The following MGAT4C variants were observed in gnomAD, a reference collection of about 807,000 sequenced individuals.
MGAT4C encodes the protein MGAT4 family member C.
Under a neutral mutation model 40.1 loss-of-function variants are expected in MGAT4C, and 19 were observed. The observed-to-expected ratio is 0.47, with a 90% confidence interval of 0.33 to 0.70. The LOEUF is 0.70. MGAT4C is among the 30% of genes least tolerant of loss of function. MGAT4C has a pLI of 0.02. For missense variants in MGAT4C, 491 were observed against 563.2 expected (o/e 0.87, Z 1.30); for synonymous variants, 181 against 187.1 (o/e 0.97, Z 0.27).
chr12:86,012,822 C>A (rs905255852), intron 2 of MGAT4C, among the ~76,000 whole-genome samples: 1 of 149,382 alleles, frequency 6.7e-6, no homozygotes, highest in African/African-American at 2.4e-5. Flanking sequence ...ACCACCACCA[C>A]CACCACCACC....
chr12:86,214,199 G>C (rs941491285), intron 1 of MGAT4C, among the ~76,000 whole-genome samples: 1 of 152,070 alleles, frequency 6.6e-6, no homozygotes, highest in Non-Finnish European at 1.5e-5. Context: ...CCTCATTTCT[G>C]TGTCTTTGTA....
At chr12:86,587,011 T>A (rs1270407475) in intron 2 of MGAT4C, among the ~76,000 whole-genome samples, 1 of 152,038 alleles carries the variant, frequency 6.6e-6, no homozygotes, top group Non-Finnish European at 1.5e-5. Context: ...GGTGTTTTAG[T>A]CATGAAGTCC....
At chr12:86,634,771 G>A (rs1963166202) in intron 2 of MGAT4C, among the ~76,000 whole-genome samples, 2 of 152,098 alleles carry the variant, frequency 1.3e-5, no homozygotes, top group East Asian at 1.9e-4. Context: ...TCTTATTCCT[G>A]TCTGCAAAAT....
At chr12:86,357,733 T>C (rs767541479) in intron 3 of MGAT4C, among the ~76,000 whole-genome samples, 2 of 152,140 alleles carry the variant, frequency 1.3e-5, no homozygotes, top group Non-Finnish European at 2.9e-5. Context: ...GTATCAGTGA[T>C]TGAAGATCAA....
intron 2 of MGAT4C, among the ~76,000 whole-genome samples, chr12:86,693,480 G>T (rs1296526684): frequency 2.0e-5 from 3 of 151,978 alleles, no homozygotes; most frequent in Admixed American, 6.6e-5. Flanking sequence ...TGATATTTTT[G>T]ATATCAGTCT....
intron 2 of MGAT4C, among the ~76,000 whole-genome samples, chr12:86,716,024 A>C (rs567936861): frequency 1.3e-5 from 2 of 152,246 alleles, no homozygotes; most frequent in Admixed American, 1.3e-4. Context: ...TAATCTACTC[A>C]TAATGTAAGA....
At chr12:86,502,864 C>CATAT (rs761029198) in intron 2 of MGAT4C, among the ~76,000 whole-genome samples, 2 of 54,048 alleles carry the variant, frequency 3.7e-5, no homozygotes, top group African/African-American at 2.8e-4. Flanking sequence ...GAGTTCTGCT[C>CATAT]ATATATATAT....
intron 1 of MGAT4C, among the ~76,000 whole-genome samples, chr12:86,830,935 G>A (rs1027216130): frequency 6.6e-6 from 1 of 151,758 alleles, no homozygotes; most frequent in African/African-American, 2.4e-5. Context: ...ACTAGAAGGA[G>A]TTTTAAAATA....
intron 2 of MGAT4C, among the ~76,000 whole-genome samples, chr12:86,511,005 C>T (rs994784798): frequency 2.6e-5 from 4 of 152,278 alleles, no homozygotes; most frequent in East Asian, 3.9e-4. Flanking sequence ...TAGACATCTA[C>T]AGAACTCTCC....
chr12:86,502,834 T>C lies in MGAT4C; in HGVS notation c.-228-67569A>G, dbSNP rs189992443. 5.5e-3 allele frequency among the ~76,000 whole-genome samples: 533 copies of C among 97,602 alleles called. 20 individuals are homozygous for C. The highest frequency in any genetic ancestry group is 0.022 in the East Asian group (68 of 3,160). 64.0% of individuals were successfully genotyped at this position (97,602 alleles called of 152,430 possible). ...CTGCTCATATATATGTATACACGAGTTCTGCTCATATATATATATGAGTTC... is the reference window on the plus strand; with the variant it reads ...CTGCTCATATATATGTATACACGAGCTCTGCTCATATATATATATGAGTTC... On this transcript the variant is annotated intron_variant, in intron 2 of 7. Coordinates refer to the MGAT4C transcript ENST00000548651.
intron 1 of MGAT4C, among the ~76,000 whole-genome samples, chr12:86,051,625 A>T (rs1892899580): frequency 1.3e-5 from 2 of 151,750 alleles, no homozygotes; most frequent in Admixed American, 1.3e-4. Context: ...CAAAATAATT[A>T]TGTGTTCTAT....
intron 1 of MGAT4C, among the ~76,000 whole-genome samples, chr12:86,235,674 T>C (rs1951503836): frequency 6.6e-6 from 1 of 152,074 alleles, no homozygotes. Flanking sequence ...TTTAGATCTA[T>C]TCTCAGAAAG....
chr12:85,991,895 G>C (rs772841219), intron 2 of MGAT4C, among the ~76,000 whole-genome samples: 4 of 152,180 alleles, frequency 2.6e-5, no homozygotes, highest in Non-Finnish European at 5.9e-5. Context: ...CATCAGAGCA[G>C]GTCCTTGGAA....
chr12:86,450,780 AAT>A (rs1957413076), intron 2 of MGAT4C, among the ~76,000 whole-genome samples: 1 of 86,616 alleles, frequency 1.2e-5, no homozygotes, highest in Admixed American at 1.2e-4. Flanking sequence ...TGAATATATA[AAT>A]ATGTGACTAT....
At chr12:86,675,009 C>T (rs1044413291) in intron 2 of MGAT4C, among the ~76,000 whole-genome samples, 1 of 152,118 alleles carries the variant, frequency 6.6e-6, no homozygotes, top group Non-Finnish European at 1.5e-5. Flanking sequence ...TTCATTATAA[C>T]ATATACTTCA....
At chr12:86,790,944 C>T (rs1437548633) in intron 1 of MGAT4C, among the ~76,000 whole-genome samples, 1 of 152,044 alleles carries the variant, frequency 6.6e-6, no homozygotes, top group Non-Finnish European at 1.5e-5. Flanking sequence ...CACTGTATAA[C>T]CAATTCTCCC....
At chr12:86,205,203 CATT>C (rs1257698624) in intron 1 of MGAT4C, among the ~76,000 whole-genome samples, 4 of 151,754 alleles carry the variant, frequency 2.6e-5, no homozygotes, top group Admixed American at 6.6e-5. Flanking sequence ...AGAAATGTAA[CATT>C]ATGAAATCTT....
intron 1 of MGAT4C, among the ~76,000 whole-genome samples, chr12:86,781,129 GA>G (rs896349707): frequency 2.0e-5 from 3 of 149,400 alleles, no homozygotes; most frequent in Admixed American, 6.7e-5. Flanking sequence ...ACAAGCACAA[GA>G]TTTTTTTTAT....
intron 2 of MGAT4C, among the ~76,000 whole-genome samples, chr12:86,706,599 A>G (rs1188561181): frequency 6.6e-6 from 1 of 152,086 alleles, no homozygotes; most frequent in Non-Finnish European, 1.5e-5. Context: ...TCCCATTTAT[A>G]GTACATTCTT....
Sources: gnomAD v4.1 joint callset for allele counts (sites outside exome capture counted in the v4.1 genomes callset) on GRCh38, gnomAD v4.1.1 for gene constraint, MANE v1.5 for transcripts, NCBI Gene and HGNC (gene_info 2026-07-23, HGNC 2026-07-21) for gene names.